Variants in PRKG1 observed in about 807,000 individuals in gnomAD.
PRKG1 encodes the protein cGMP-dependent protein kinase 1.
Under a neutral mutation model 88.1 loss-of-function variants are expected in PRKG1, and 35 were observed. The ratio of observed to expected loss-of-function variants is 0.40; its 90% CI spans 0.30 to 0.53. PRKG1 has a LOEUF of 0.53. Among genes scored for constraint, PRKG1 ranks in the 20% least tolerant of loss-of-function variants. PRKG1 has a pLI of 0.59. For missense variants in PRKG1, 540 were observed against 839.8 expected, an observed-to-expected ratio of 0.64 and a Z score of 4.41; for synonymous variants, 303 against 292.5, an observed-to-expected ratio of 1.04 and a Z score of -0.37.
At chr10:51,151,909 G>A (rs927422987) in intron 1 of PRKG1, among the ~76,000 whole-genome samples, 21 of 151,974 alleles carry the variant, frequency 1.4e-4, no homozygotes, top group South Asian at 2.1e-4. Context: ...GTTCACTACC[G>A]CAGGTCACTC....
At chr10:51,469,490 G>T (rs987905424) in intron 3 of PRKG1, among the ~76,000 whole-genome samples, 4 of 151,704 alleles carry the variant, frequency 2.6e-5, no homozygotes, top group South Asian at 2.1e-4. Flanking sequence ...TTACAGCAAA[G>T]ATTTTTAATG....
At chr10:51,830,457 A>G (rs1341919170) in intron 4 of PRKG1, among the ~76,000 whole-genome samples, 1 of 151,930 alleles carries the variant, frequency 6.6e-6, no homozygotes, top group Non-Finnish European at 1.5e-5. Context: ...CACTAATAAT[A>G]GGACAGTTTG....
chr10:51,009,869 G>A (rs538695325), intron 1 of PRKG1, among the ~76,000 whole-genome samples: 20 of 152,334 alleles, frequency 1.3e-4, no homozygotes, highest in Middle Eastern at 3.4e-3. Context: ...GCTACCCAGA[G>A]AGAAGTATCA....
chr10:51,090,584 A>G (rs1844375624), intron 1 of PRKG1, among the ~76,000 whole-genome samples: 1 of 152,230 alleles, frequency 6.6e-6, no homozygotes, highest in Non-Finnish European at 1.5e-5. Context: ...ATGTTAAAAA[A>G]ATCATGAAAA....
At chr10:51,887,921 G>A (rs993040872) in intron 4 of PRKG1, among the ~76,000 whole-genome samples, 2 of 152,050 alleles carry the variant, frequency 1.3e-5, no homozygotes, top group South Asian at 2.1e-4. Context: ...TAAAATTTCT[G>A]TTATGCACGT....
At chr10:51,515,716 C>A (rs773152923) in intron 3 of PRKG1, among the ~76,000 whole-genome samples, 3 of 152,246 alleles carry the variant, frequency 2.0e-5, no homozygotes, top group Admixed American at 6.5e-5. Context: ...TTCCAATCAA[C>A]GCAGGATATT....
At chr10:51,195,183 A>C (rs1408380822) in intron 2 of PRKG1, among the ~76,000 whole-genome samples, 1 of 152,178 alleles carries the variant, frequency 6.6e-6, no homozygotes, top group Non-Finnish European at 1.5e-5. Context: ...AGTTCTAATA[A>C]ATCCACATTT....
rs1842050104 is a variant in PRKG1 at position 52,283,654 on chromosome 10, C to T, written c.1709+1338C>T. Among the ~76,000 whole-genome samples the T allele has an allele frequency of 5.3e-5, 8 of 152,032 alleles. No individual in the cohort carries two copies. In the South Asian group the frequency reaches 1.7e-3, roughly 32 times the overall value. The stretch of plus-strand genomic sequence containing the variant: ...CCAATTTTGTTCAGTGTGGATTGTT[C>T]AATTTTGATCTTGTGGATGGAGGTA... On this transcript the variant is annotated intron_variant, in intron 14 of 17. Coordinates refer to ENST00000373980, the MANE Select transcript of PRKG1 (RefSeq NM_006258.4).
chr10:51,057,906 G>A (rs2660201), intron 1 of PRKG1, among the ~76,000 whole-genome samples: 114,428 of 151,926 alleles, frequency 0.75, 44,215 homozygotes, highest in Non-Finnish European at 0.84. Flanking sequence ...TTATGGGATA[G>A]CCATATAATT....
intron 3 of PRKG1, among the ~76,000 whole-genome samples, chr10:51,569,344 G>T (rs903255537): frequency 1.3e-5 from 2 of 152,008 alleles, no homozygotes; most frequent in Non-Finnish European, 2.9e-5. Context: ...GATACGGTTT[G>T]TCTTAGCTTC....
intron 2 of PRKG1, among the ~76,000 whole-genome samples, chr10:51,364,084 A>T (rs1463585526): frequency 2.0e-5 from 3 of 151,978 alleles, no homozygotes; most frequent in African/African-American, 7.2e-5. Flanking sequence ...CAGCCTTCTT[A>T]GCACAAGAAT....
intron 2 of PRKG1, among the ~76,000 whole-genome samples, chr10:51,460,323 C>A (rs1016153006): frequency 3.3e-5 from 5 of 152,108 alleles, no homozygotes; most frequent in Non-Finnish European, 5.9e-5. Context: ...AGTACTCTTG[C>A]CATTTTCCTG....
chr10:51,076,118 G>A (rs760999545), intron 1 of PRKG1, among the ~76,000 whole-genome samples: 15 of 152,012 alleles, frequency 9.9e-5, no homozygotes, highest in Non-Finnish European at 1.6e-4. Context: ...TGTTTTTTGG[G>A]GAGAATCACA....
chr10:52,160,877 GA>G (rs1288524593), intron 8 of PRKG1, among the ~76,000 whole-genome samples: 2 of 151,770 alleles, frequency 1.3e-5, no homozygotes, highest in African/African-American at 4.8e-5. Flanking sequence ...CAAAATAAAA[GA>G]ATTAACTTTT....
At chr10:52,086,040 T>C (rs972847401) in intron 7 of PRKG1, among the ~76,000 whole-genome samples, 5 of 152,170 alleles carry the variant, frequency 3.3e-5, no homozygotes, top group African/African-American at 1.2e-4. Context: ...GATCATGTTA[T>C]TTATTTGAAA....
intron 3 of PRKG1, among the ~76,000 whole-genome samples, chr10:51,593,914 G>A (rs184858055): frequency 6.6e-6 from 1 of 152,144 alleles, no homozygotes; most frequent in Admixed American, 6.6e-5. Flanking sequence ...TAGTAGAGAT[G>A]GAGTTTCACC....
intron 7 of PRKG1, among the ~76,000 whole-genome samples, chr10:52,122,413 G>A (rs1212637446): frequency 2.0e-5 from 3 of 152,022 alleles, no homozygotes; most frequent in East Asian, 1.9e-4. Flanking sequence ...CACACCTATC[G>A]AATAATTATT....
At chr10:51,025,257 A>G (rs76843141) in intron 1 of PRKG1, among the ~76,000 whole-genome samples, 6,366 of 152,200 alleles carry the variant, frequency 0.042, 318 homozygotes, top group African/African-American at 0.12. Flanking sequence ...CCCCAGCTTT[A>G]TCCTCTATCA....
intron 5 of PRKG1, among the ~76,000 whole-genome samples, chr10:51,980,067 A>G (rs1056677792): frequency 6.6e-6 from 1 of 151,836 alleles, no homozygotes; most frequent in South Asian, 2.1e-4. Context: ...TCTAGTTGTG[A>G]TGTTAAGTTG....
Sources: gnomAD v4.1 joint callset for allele counts (sites outside exome capture counted in the v4.1 genomes callset) on GRCh38, gnomAD v4.1.1 for gene constraint, MANE v1.5 for transcripts, NCBI Gene and HGNC (gene_info 2026-07-23, HGNC 2026-07-21) for gene names.